Variants in SPDYE16 observed in about 807,000 individuals in gnomAD.
SPDYE16 encodes the protein speedy/RINGO cell cycle regulator family member E16.
A neutral mutation model predicts 40.1 loss-of-function variants in SPDYE16; 5 were observed. That is an observed-to-expected ratio of 0.12 (90% CI 0.07 to 0.26). The LOEUF (loss-of-function observed/expected upper bound fraction) is 0.26, where lower values mean the gene tolerates loss of function less well. SPDYE16 is among the 10% of genes least tolerant of loss of function. The pLI, the probability that SPDYE16 is intolerant of heterozygous loss-of-function variation, is 1.00. For missense variants in SPDYE16, 98 were observed against 409.8 expected (o/e 0.24, Z 6.57); for synonymous variants, 40 against 154.2 (o/e 0.26, Z 5.49).
Position 76,531,875 on chromosome 7 carries a change from AC to A in SPDYE16, c.*964del, listed in dbSNP as rs1812935163. On this transcript the variant is annotated 3_prime_UTR_variant, in exon 9 of 9. Transcript: ENST00000633306. ...TAAAATAATATTTAAATAATTCTAT[AC>A]CCATGTTTTTCAAAATAAACCAATA... 2 of 81,834 alleles carry A rather than the reference AC, an allele frequency of 2.4e-5. No homozygotes were observed. Among genetic ancestry groups the A allele is most frequent in the Admixed American group, 2.3e-4 (2 of 8,544 alleles). The allele number at this position is 81,834 out of a possible 1,614,324, so 5.1% of individuals were successfully genotyped here.
rs1813090747 is a variant in SPDYE16 at position 76,538,614 on chromosome 7, C to G, written c.582G>C (p.Glu194Asp). ...KRRRVSLVLP[E>D]HHEAFNRLLE... ...GCAGCCTGTTGAAGGCCTCGTGGTG[C>G]TCAGGGAGCACGAGCGACACTCGCC... The change falls in exon 4 of 9, where the codon GAG becomes GAC. Residue 194 changes from glutamate (E) to aspartate (D), a missense_variant. Glu to Asp is a conservative substitution (Grantham distance 45). Transcript: ENST00000633306. 40 of 1,039,740 alleles carry G rather than the reference C, an allele frequency of 3.8e-5. 12 individuals carry two copies. The highest frequency in any genetic ancestry group is 4.7e-5 in the Non-Finnish European group (37 of 786,580). The allele number at this position is 1,039,740 out of a possible 1,614,324, so 64.4% of individuals were successfully genotyped here.
chr7:76,540,990 T>TG (rs1287478006), intron 2 of SPDYE16, among the ~76,000 whole-genome samples: 2 of 119,686 alleles, frequency 1.7e-5, no homozygotes, highest in Non-Finnish European at 3.4e-5. Context: ...TTTTTTTTTT[T>TG]GGAGTGCAGT....
chr7:76,541,226 G>T, intron 2 of SPDYE16, 74 bp downstream of exon 2: 1 of 1,483,976 alleles, frequency 6.7e-7, no homozygotes, highest in Non-Finnish European at 8.9e-7. Flanking sequence ...TTACAGGCGT[G>T]AGCCACCGCA....
In SPDYE16 at chr7:76,541,299, C is replaced by A; in HGVS notation, c.160+1G>T. On this transcript the variant is annotated splice_donor_variant, in intron 2 of 8. Transcript: ENST00000633306. LOFTEE classifies it high-confidence loss of function. ...ACCTCTTCTTCCACCAGTCCCCTCA[C>A]CTGATGATCCCAACACTTCATCATC... The A allele has an allele frequency of 6.5e-7, 1 of 1,534,120 alleles. No homozygotes were observed. The highest frequency in any genetic ancestry group is 8.7e-7 in the Non-Finnish European group (1 of 1,146,576).
intron 2 of SPDYE16, chr7:76,540,624 A>C (rs1813153240): frequency 9.6e-7 from 1 of 1,046,486 alleles, no homozygotes; most frequent in East Asian, 3.6e-5. Flanking sequence ...TTGACACAGA[A>C]TCTTGCTTTG....
In SPDYE16 at chr7:76,541,439, C is replaced by T. The variant is rs1232914586; in HGVS notation, c.21G>A (p.Arg7=). 6.5e-7 allele frequency: 1 copy of T among 1,534,656 alleles called. No homozygotes were observed. Among genetic ancestry groups the T allele is most frequent in the Non-Finnish European group, 8.7e-7 (1 of 1,146,628 alleles). MDRTET[R]FRKRGQIKGK... ...CCTTAATCTGTCCCCTCTTACGGAA[C>T]CTAGTCTCCGTTCTGTCCATGGCCT... is the stretch of plus-strand genomic sequence containing the variant. The change falls in exon 2 of 9, where the codon AGG becomes AGA. Residue 7 remains arginine (R), a synonymous_variant. Coordinates refer to ENST00000633306, the MANE Select transcript of SPDYE16 (RefSeq NM_001394943.1).
At chr7:76,539,748 G>A (rs1440238428) in intron 3 of SPDYE16, among the ~76,000 whole-genome samples, 5 of 112,160 alleles carry the variant, frequency 4.5e-5, no homozygotes, top group East Asian at 2.3e-4. Context: ...CCCGGCCTTC[G>A]TTTTTCTTTT....
rs576837669 is a variant in SPDYE16 at position 76,541,982 on chromosome 7, G to A, written c.-421-102C>T. Among the ~76,000 whole-genome samples the A allele has an allele frequency of 7.1e-4, 68 of 96,024 alleles. 6 individuals carry two copies. Among genetic ancestry groups the A allele is most frequent in the Non-Finnish European group, 4.2e-4 (18 of 42,864 alleles). The allele number at this position is 96,024 out of a possible 152,430, so 63.0% of individuals were successfully genotyped here. A position where few individuals can be genotyped will look rare whatever the true frequency, so the allele number is the denominator to read the frequency against. On this transcript the variant is annotated intron_variant, in intron 1 of 8. Coordinates refer to ENST00000633306, the MANE Select transcript of SPDYE16 (RefSeq NM_001394943.1). The stretch of plus-strand genomic sequence containing the variant: ...TCATGTACAAGAGTGAGATTATCAC[G>A]TACAAGAGTGAGATTATCATGTACA...
chr7:76,535,702 T>G (rs1813025421), intron 6 of SPDYE16, among the ~76,000 whole-genome samples: 1 of 54,924 alleles, frequency 1.8e-5, no homozygotes, highest in Non-Finnish European at 3.5e-5. Flanking sequence ...TTGGCTTTTT[T>G]TTTTTTTTTT....
Position 76,532,494 on chromosome 7 carries a change from G to A in SPDYE16, c.*346C>T, listed in dbSNP as rs1414804910. 9.2e-5 allele frequency: 21 copies of A among 228,062 alleles called. 9 individuals carry two copies. Among genetic ancestry groups the A allele is most frequent in the African/African-American group, 8.5e-4 (14 of 16,526 alleles). 14.1% of individuals were successfully genotyped at this position (228,062 alleles called of 1,614,324 possible). On this transcript the variant is annotated 3_prime_UTR_variant, in exon 9 of 9. Coordinates refer to ENST00000633306, the MANE Select transcript of SPDYE16 (RefSeq NM_001394943.1). ...CGTAAGAAACAGGACCTCAGGTTCC[G>A]CCCCAGGGAGGTTGGCATTCAGCAA...
Sources: allele counts gnomAD v4.1 joint callset (sites outside exome capture counted in the v4.1 genomes callset), GRCh38; gene constraint gnomAD v4.1.1; transcripts MANE v1.5; gene names NCBI Gene and HGNC (gene_info 2026-07-23, HGNC 2026-07-21).